Variants in TCF12 observed in about 807,000 individuals in gnomAD.
The protein encoded by TCF12 is transcription factor 12, also known as DNA-binding protein HTF4.
Under a neutral mutation model 86.0 loss-of-function variants are expected in TCF12, and 45 were observed. That is an observed-to-expected ratio of 0.52 (90% confidence interval 0.41 to 0.67). The LOEUF is 0.67. Among genes scored for constraint, TCF12 ranks in the 30% least tolerant of loss-of-function variants. The pLI, the probability that TCF12 is intolerant of heterozygous loss-of-function variation, is 0.00. For synonymous variants in TCF12, 330 were observed against 299.6 expected, an observed-to-expected ratio of 1.10 and a Z score of -1.05; for missense variants, 881 against 859.9, an observed-to-expected ratio of 1.02 and a Z score of -0.31.
At chr15:57,232,545 C>G (rs2059184182) in intron 10 of TCF12, 115 bp downstream of exon 10, 2 of 1,481,722 alleles carry the variant, frequency 1.3e-6, no homozygotes, top group Non-Finnish European at 1.8e-6. Context: ...TGAAGTACTT[C>G]AAGGCTTACC....
chr15:57,228,371 T>G (rs752374556), intron 8 of TCF12, among the ~76,000 whole-genome samples: 3 of 152,086 alleles, frequency 2.0e-5, no homozygotes, highest in Non-Finnish European at 4.4e-5. Context: ...AACATTCTTA[T>G]GATGAAAATT....
upstream of TCF12, chr15:56,918,446 A>G (rs1440672719): frequency 5.8e-6 from 2 of 345,170 alleles, no homozygotes; most frequent in Non-Finnish European, 1.1e-5. Context: ...CGAGCGCCTC[A>G]TGCCCCTCCC....
chr15:56,961,946 C>T (rs933570891), intron 3 of TCF12, among the ~76,000 whole-genome samples: 2 of 151,538 alleles, frequency 1.3e-5, no homozygotes, highest in East Asian at 3.9e-4. Flanking sequence ...ATCGAGACCA[C>T]GGTGAAACCC....
upstream of TCF12, chr15:56,918,273 G>A (rs1459451253): frequency 4.4e-6 from 2 of 456,110 alleles, no homozygotes; most frequent in Non-Finnish European, 8.8e-6. Context: ...CTGGGCAGCG[G>A]ATCCAGATGC....
At chr15:57,199,248 C>T (rs1045701025) in intron 8 of TCF12, among the ~76,000 whole-genome samples, 1 of 152,086 alleles carries the variant, frequency 6.6e-6, no homozygotes, top group Non-Finnish European at 1.5e-5. Context: ...TACATTTTAA[C>T]AGTTGTGTGC....
At chr15:57,164,356 C>T (rs1234691128) in intron 5 of TCF12, among the ~76,000 whole-genome samples, 2 of 152,190 alleles carry the variant, frequency 1.3e-5, no homozygotes, top group Non-Finnish European at 2.9e-5. Context: ...TTAATTGACT[C>T]ACAGTTCAAC....
intron 6 of TCF12, among the ~76,000 whole-genome samples, chr15:57,186,743 A>G (rs2703591): frequency 0.012 from 1,894 of 152,344 alleles, 42 homozygotes; most frequent in African/African-American, 0.043. Context: ...CAACGTATTG[A>G]AAAGATTATA....
At chr15:56,975,172 T>C (rs2062536836) in intron 3 of TCF12, among the ~76,000 whole-genome samples, 1 of 152,176 alleles carries the variant, frequency 6.6e-6, no homozygotes, top group Non-Finnish European at 1.5e-5. Context: ...TTGTGATTAG[T>C]AGATTAAGTT....
At chr15:57,192,320 T>A (rs759497157) in intron 7 of TCF12, 27 bp downstream of exon 7, 1 of 1,610,306 alleles carries the variant, frequency 6.2e-7, no homozygotes, top group South Asian at 1.1e-5. Flanking sequence ...ACAAATCCCA[T>A]CCCACATATG....
chr15:57,038,859 G>A (rs192526922), intron 3 of TCF12, among the ~76,000 whole-genome samples: 2 of 152,288 alleles, frequency 1.3e-5, no homozygotes, highest in Admixed American at 1.3e-4. Flanking sequence ...TTGAAGTGCA[G>A]TGGTTCTTTG....
intron 3 of TCF12, among the ~76,000 whole-genome samples, chr15:57,062,450 A>T (rs2951896): frequency 0.82 from 123,923 of 151,488 alleles, 51,194 homozygotes; most frequent in African/African-American, 0.94. Context: ...TCAACTTTTT[A>T]AAAAAAGTTA....
intron 3 of TCF12, among the ~76,000 whole-genome samples, chr15:56,972,361 T>C (rs972104735): frequency 7.2e-5 from 11 of 152,320 alleles, no homozygotes; most frequent in African/African-American, 2.2e-4. Flanking sequence ...AAAATACAGT[T>C]ATATCTAGGA....
chr15:56,991,346 G>A (rs1015484964), intron 3 of TCF12, among the ~76,000 whole-genome samples: 10 of 152,072 alleles, frequency 6.6e-5, no homozygotes, highest in Non-Finnish European at 1.0e-4. Flanking sequence ...GTCCCACATT[G>A]GACAAGATAA....
At chr15:57,217,384 A>G (rs2058375955) in intron 8 of TCF12, among the ~76,000 whole-genome samples, 1 of 152,154 alleles carries the variant, frequency 6.6e-6, no homozygotes, top group African/African-American at 2.4e-5. Flanking sequence ...TTGCCTCTAA[A>G]ATAAAGAACT....
At chr15:57,253,600 T>C in intron 16 of TCF12, 132 bp downstream of exon 16, 8 of 1,013,212 alleles carry the variant, frequency 7.9e-6, no homozygotes, top group Non-Finnish European at 1.1e-5. Context: ...TTCTTTACTG[T>C]CTTTGGCAGT....
At chr15:57,103,629 G>A (rs190279282) in intron 5 of TCF12, among the ~76,000 whole-genome samples, 7 of 152,136 alleles carry the variant, frequency 4.6e-5, no homozygotes, top group East Asian at 1.9e-4. Flanking sequence ...GAAAATACAC[G>A]TAAAGATGTG....
At chr15:57,085,348 A>G (rs768853793) in intron 4 of TCF12, among the ~76,000 whole-genome samples, 7 of 152,356 alleles carry the variant, frequency 4.6e-5, no homozygotes, top group Non-Finnish European at 8.8e-5. Flanking sequence ...GGATATCAGA[A>G]TCTTAAAATA....
chr15:57,051,717 A>G (rs963494654), intron 3 of TCF12, among the ~76,000 whole-genome samples: 3 of 152,114 alleles, frequency 2.0e-5, no homozygotes, highest in African/African-American at 7.2e-5. Flanking sequence ...TCATTTAACC[A>G]TATAGATTTG....
chr15:57,088,531 TCC>T (rs2048793004), intron 4 of TCF12, among the ~76,000 whole-genome samples: 1 of 151,786 alleles, frequency 6.6e-6, no homozygotes, highest in Non-Finnish European at 1.5e-5. Flanking sequence ...GTGGGGTTTC[TCC>T]CTAATTTATT....
Sources: gnomAD v4.1 joint callset for allele counts (sites outside exome capture counted in the v4.1 genomes callset) on GRCh38, gnomAD v4.1.1 for gene constraint, MANE v1.5 for transcripts, NCBI Gene and HGNC (gene_info 2026-07-23, HGNC 2026-07-21) for gene names.